Variants in PDE4B observed in about 807,000 individuals in gnomAD.
PDE4B encodes the protein 3',5'-cyclic-AMP phosphodiesterase 4B.
A neutral mutation model predicts 82.2 loss-of-function variants in PDE4B; 20 were observed. The ratio of observed to expected loss-of-function variants is 0.24; its 90% CI spans 0.17 to 0.35. The LOEUF (loss-of-function observed/expected upper bound fraction) is 0.35. PDE4B is among the 10% of genes least tolerant of loss of function. The pLI is 1.00. For synonymous variants in PDE4B, 320 were observed against 318.9 expected, an observed-to-expected ratio of 1.00 and a Z score of -0.04; for missense variants, 655 against 907.2, an observed-to-expected ratio of 0.72 and a Z score of 3.57.
At chr1:66,139,009 G>A (rs1327396016) in intron 3 of PDE4B, among the ~76,000 whole-genome samples, 5 of 152,078 alleles carry the variant, frequency 3.3e-5, no homozygotes, top group Non-Finnish European at 7.4e-5. Flanking sequence ...ACATATCAAA[G>A]GTATACTGAG....
rs530535374 is a variant in PDE4B, at chr1:66,004,212, CTTAG to C, written c.281+85380_281+85383del. Among the ~76,000 whole-genome samples the C allele has an allele frequency of 3.2e-4, 49 of 152,150 alleles. 2 individuals carry two copies. In the South Asian group the frequency reaches 1.0e-2, roughly 31 times the overall value. Reference sequence around the variant, plus strand: ...CCAATGGCAGGTAATAAAAGCAGTCCTTAGTTCACTAATGTATCGAGAGCTTATG... The same window carrying C: ...CCAATGGCAGGTAATAAAAGCAGTCCTTCACTAATGTATCGAGAGCTTATG... On this transcript the variant is annotated intron_variant, in intron 3 of 16. Coordinates refer to ENST00000341517, the MANE Select transcript of PDE4B (RefSeq NM_002600.4).
chr1:66,013,593 A>G (rs1652609259), intron 3 of PDE4B, among the ~76,000 whole-genome samples: 1 of 152,044 alleles, frequency 6.6e-6, no homozygotes, highest in African/African-American at 2.4e-5. Context: ...AACTCTTTTC[A>G]TCTTTCAAAA....
intron 3 of PDE4B, among the ~76,000 whole-genome samples, chr1:66,137,640 AC>A (rs1646085462): frequency 6.6e-6 from 1 of 152,190 alleles, no homozygotes; most frequent in African/African-American, 2.4e-5. Context: ...TAGAGTCTGG[AC>A]AGCATGAAGA....
At chr1:66,161,348 G>A (rs555433792) in intron 3 of PDE4B, among the ~76,000 whole-genome samples, 2 of 151,924 alleles carry the variant, frequency 1.3e-5, no homozygotes, top group East Asian at 1.9e-4. Context: ...TCTCAGAAAG[G>A]GTGCTAAGAA....
chr1:66,273,215 C>T (rs1233268618), intron 7 of PDE4B, among the ~76,000 whole-genome samples: 1 of 152,222 alleles, frequency 6.6e-6, no homozygotes, highest in Non-Finnish European at 1.5e-5. Context: ...TGCCACCCCC[C>T]TGCACAACTG....
intron 3 of PDE4B, among the ~76,000 whole-genome samples, chr1:66,101,518 G>A (rs150692577): frequency 0.012 from 1,886 of 152,090 alleles, 46 homozygotes; most frequent in African/African-American, 0.044. Flanking sequence ...TTTAATGATC[G>A]CCATTCTAAC....
At chr1:65,808,345 G>A (rs183856790) in intron 1 of PDE4B, among the ~76,000 whole-genome samples, 1 of 151,954 alleles carries the variant, frequency 6.6e-6, no homozygotes, top group Non-Finnish European at 1.5e-5. Context: ...CTAATTTAAA[G>A]AAATTGTAGA....
intron 3 of PDE4B, among the ~76,000 whole-genome samples, chr1:65,978,951 C>G (rs1474905082): frequency 6.6e-6 from 1 of 152,154 alleles, no homozygotes; most frequent in Non-Finnish European, 1.5e-5. Flanking sequence ...ACTGCTTTAA[C>G]AAATATTTTT....
intron 1 of PDE4B, among the ~76,000 whole-genome samples, chr1:65,810,779 A>G (rs112435191): frequency 0.011 from 1,693 of 152,234 alleles, 29 homozygotes; most frequent in African/African-American, 0.039. Flanking sequence ...AATATTTACA[A>G]TTATTTTCTA....
At chr1:66,109,597 C>A (rs1645440360) in intron 3 of PDE4B, among the ~76,000 whole-genome samples, 2 of 151,828 alleles carry the variant, frequency 1.3e-5, no homozygotes, top group Admixed American at 1.3e-4. Context: ...TTAGATAATA[C>A]TAAGTTCTAA....
At chr1:66,369,090 C>T (rs958818807) in intron 16 of PDE4B, 121 bp downstream of exon 16, 28 of 711,478 alleles carry the variant, frequency 3.9e-5, no homozygotes, top group African/African-American at 9.1e-5. Context: ...GAGACAACTA[C>T]GCATTTTGTT....
At chr1:66,111,735 A>T (rs930217710) in intron 3 of PDE4B, among the ~76,000 whole-genome samples, 2 of 152,048 alleles carry the variant, frequency 1.3e-5, no homozygotes, top group Admixed American at 6.6e-5. Context: ...CTGGCCATGG[A>T]TCTATCAGTG....
At chr1:66,287,032 A>G (rs1406912545) in intron 7 of PDE4B, among the ~76,000 whole-genome samples, 1 of 152,146 alleles carries the variant, frequency 6.6e-6, no homozygotes, top group Non-Finnish European at 1.5e-5. Flanking sequence ...TTAGACACTG[A>G]CTATGTGTGT....
At chr1:65,895,226 A>G (rs543440969) in intron 1 of PDE4B, among the ~76,000 whole-genome samples, 2 of 152,108 alleles carry the variant, frequency 1.3e-5, no homozygotes, top group Non-Finnish European at 2.9e-5. Flanking sequence ...GTGAGTTTCA[A>G]TACCATTTTT....
At chr1:66,234,822 CT>C (rs1652275798) in intron 3 of PDE4B, among the ~76,000 whole-genome samples, 1 of 151,812 alleles carries the variant, frequency 6.6e-6, no homozygotes, top group African/African-American at 2.4e-5. Flanking sequence ...CTTCTGCTTC[CT>C]TTGTGATTTA....
intron 3 of PDE4B, among the ~76,000 whole-genome samples, chr1:66,197,875 T>G (rs1648470476): frequency 6.6e-6 from 1 of 152,212 alleles, no homozygotes; most frequent in African/African-American, 2.4e-5. Context: ...TGTATATTTC[T>G]GTTCAAAATT....
intron 1 of PDE4B, among the ~76,000 whole-genome samples, chr1:65,854,216 A>G (rs1646366306): frequency 6.6e-6 from 1 of 151,492 alleles, no homozygotes; most frequent in Non-Finnish European, 1.5e-5. Flanking sequence ...ATATATATAC[A>G]TTTATTATAT....
At chr1:66,200,774 C>T (rs1054881783) in intron 3 of PDE4B, among the ~76,000 whole-genome samples, 5 of 152,152 alleles carry the variant, frequency 3.3e-5, no homozygotes, top group East Asian at 1.9e-4. Context: ...TCTAGATATA[C>T]AATCATGTCA....
intron 3 of PDE4B, among the ~76,000 whole-genome samples, chr1:66,099,596 C>G (rs1645181696): frequency 6.6e-6 from 1 of 151,982 alleles, no homozygotes; most frequent in African/African-American, 2.4e-5. Flanking sequence ...AATTGTTTTT[C>G]TATTTTGGCA....
Sources: allele counts gnomAD v4.1 joint callset (sites outside exome capture counted in the v4.1 genomes callset), GRCh38; gene constraint gnomAD v4.1.1; transcripts MANE v1.5; gene names NCBI Gene and HGNC (gene_info 2026-07-23, HGNC 2026-07-21).